The following MAGI2 variants were observed in gnomAD, a reference collection of about 807,000 sequenced individuals.
The protein encoded by MAGI2 is membrane associated guanylate kinase, WW and PDZ domain containing 2.
MAGI2 carries 35 observed loss-of-function variants against 133.3 expected under a neutral mutation model. The observed-to-expected ratio is 0.26, with a 90% CI of 0.20 to 0.35. MAGI2 has a LOEUF of 0.35. MAGI2 is among the 10% of genes least tolerant of loss of function. The pLI, the probability that MAGI2 is intolerant of heterozygous loss-of-function variation, is 1.00. For missense variants in MAGI2, 1,636 were observed against 1,863.4 expected (o/e 0.88, Z 2.25); for synonymous variants, 729 against 710.6 (o/e 1.03, Z -0.41).
chr7:78,340,170 T>C (rs1160763694), intron 9 of MAGI2, among the ~76,000 whole-genome samples: 1 of 152,200 alleles, frequency 6.6e-6, no homozygotes, highest in Admixed American at 6.5e-5. Flanking sequence ...AAAGTTGATA[T>C]CATGAACTAA....
chr7:78,387,500 A>G (rs1795495976), intron 6 of MAGI2, among the ~76,000 whole-genome samples: 1 of 152,166 alleles, frequency 6.6e-6, no homozygotes, highest in Non-Finnish European at 1.5e-5. Flanking sequence ...AAAATTGACA[A>G]AGTATTTGTA....
intron 1 of MAGI2, among the ~76,000 whole-genome samples, chr7:79,205,135 C>A (rs1472885202): frequency 6.6e-6 from 1 of 151,754 alleles, no homozygotes; most frequent in Non-Finnish European, 1.5e-5. Flanking sequence ...GGTCAAAATT[C>A]TCACATAATG....
At chr7:78,914,421 AAAGTC>A (rs2151621912) in intron 2 of MAGI2, among the ~76,000 whole-genome samples, 1 of 152,286 alleles carries the variant, frequency 6.6e-6, no homozygotes. Flanking sequence ...AATTATTAGT[AAAGTC>A]AACAAAATAC....
chr7:78,441,563 T>G (rs1305806376), intron 6 of MAGI2, among the ~76,000 whole-genome samples: 1 of 152,058 alleles, frequency 6.6e-6, no homozygotes, highest in Non-Finnish European at 1.5e-5. Context: ...GTGATTAGTT[T>G]ACAGCTCCAC....
chr7:78,310,616 G>C (rs896800140), intron 9 of MAGI2, among the ~76,000 whole-genome samples: 1 of 152,126 alleles, frequency 6.6e-6, no homozygotes, highest in African/African-American at 2.4e-5. Flanking sequence ...TAAAGATGCT[G>C]GGAGTAGGGA....
rs1276924567 is a variant in MAGI2 at position 78,162,043 on chromosome 7, T to A, written c.2597-1770A>T. On this transcript the variant is annotated intron_variant, in intron 15 of 21. Coordinates refer to ENST00000354212, the MANE Select transcript of MAGI2 (RefSeq NM_012301.4). ...TGTCCTTTATCAGTCCTTGTACAAG[T>A]GGGAAATAAAGTGATTAGGGATAGT... is the stretch of plus-strand genomic sequence containing the variant. 3.9e-5 allele frequency among the ~76,000 whole-genome samples: 6 copies of A among 152,068 alleles called. No individual in the cohort carries two copies. In the East Asian group the frequency reaches 1.2e-3, roughly 29 times the overall value.
intron 9 of MAGI2, among the ~76,000 whole-genome samples, chr7:78,325,778 G>C (rs375860028): frequency 6.6e-6 from 1 of 152,320 alleles, no homozygotes; most frequent in South Asian, 2.1e-4. Flanking sequence ...CAGGGCAAGG[G>C]AGCCCATTGG....
chr7:78,197,649 G>A (rs560106007), intron 11 of MAGI2, among the ~76,000 whole-genome samples: 1 of 152,356 alleles, frequency 6.6e-6, no homozygotes, highest in East Asian at 1.9e-4. Flanking sequence ...TTAGTCAAGA[G>A]TCCAGTTCAT....
intron 10 of MAGI2, among the ~76,000 whole-genome samples, chr7:78,221,405 G>A (rs762848372): frequency 6.6e-6 from 1 of 152,096 alleles, no homozygotes; most frequent in Admixed American, 6.5e-5. Flanking sequence ...AATTAACTTA[G>A]GTTGTGAGAT....
At position 78,178,573 on chromosome 7, in the gene MAGI2, A is replaced by T. The variant is rs1390520874; in HGVS notation, c.2312-471T>A. Reference sequence around the variant, plus strand: ...TATCTGTTTATGACATGATGCATCCAGTTTAGGAGTGTGTGTGTGTGTGTG... The same window carrying T: ...TATCTGTTTATGACATGATGCATCCTGTTTAGGAGTGTGTGTGTGTGTGTG... On this transcript the variant is annotated intron_variant, in intron 13 of 21. Coordinates refer to ENST00000354212, the MANE Select transcript of MAGI2 (RefSeq NM_012301.4). Among the ~76,000 whole-genome samples, 4 of 125,608 alleles carry T rather than the reference A, an allele frequency of 3.2e-5. No homozygotes were observed. In the East Asian group the frequency reaches 9.6e-4, roughly 30 times the overall value. The allele number at this position is 125,608 out of a possible 152,430, so 82.4% of individuals were successfully genotyped here.
At chr7:78,677,067 C>T (rs1484207477) in intron 2 of MAGI2, among the ~76,000 whole-genome samples, 1 of 152,148 alleles carries the variant, frequency 6.6e-6, no homozygotes, top group African/African-American at 2.4e-5. Context: ...ATTACTCTTT[C>T]CTTTCTTTTC....
At chr7:78,649,236 G>GAAAGA (rs796996533) in intron 2 of MAGI2, among the ~76,000 whole-genome samples, 17 of 88,166 alleles carry the variant, frequency 1.9e-4, no homozygotes, top group South Asian at 4.2e-4. Flanking sequence ...AAAAAAAAAA[G>GAAAGA]AAAAAAAAAG....
At chr7:78,066,385 C>T (rs1813823977) in intron 21 of MAGI2, among the ~76,000 whole-genome samples, 1 of 151,892 alleles carries the variant, frequency 6.6e-6, no homozygotes, top group Admixed American at 6.6e-5. Context: ...TCACTTGAAC[C>T]CGGGAGGCAG....
At chr7:78,281,232 T>A (rs2151012110) in intron 9 of MAGI2, among the ~76,000 whole-genome samples, 1 of 152,268 alleles carries the variant, frequency 6.6e-6, no homozygotes, top group African/African-American at 2.4e-5. Context: ...TTGATATTTT[T>A]AAAAACTTTA....
At chr7:78,185,841 T>A (rs1827640968) in intron 12 of MAGI2, among the ~76,000 whole-genome samples, 171 bp from the exon 13 acceptor site, 1 of 152,192 alleles carries the variant, frequency 6.6e-6, no homozygotes, top group South Asian at 2.1e-4. Flanking sequence ...TACCCTGCTT[T>A]ACGTATGAGC....
chr7:78,637,996 C>A (rs923266816), intron 2 of MAGI2, among the ~76,000 whole-genome samples: 6 of 151,534 alleles, frequency 4.0e-5, no homozygotes, highest in African/African-American at 1.5e-4. Context: ...CCCAAGAGGT[C>A]AAGGCTGCAG....
At chr7:78,183,544 A>T (rs183077290) in intron 13 of MAGI2, among the ~76,000 whole-genome samples, 380 of 151,962 alleles carry the variant, frequency 2.5e-3, no homozygotes, top group African/African-American at 8.5e-3. Context: ...GATTGCAGGC[A>T]TGCACCACCG....
chr7:78,916,472 A>T (rs1245141821), intron 2 of MAGI2, among the ~76,000 whole-genome samples: 1 of 152,178 alleles, frequency 6.6e-6, no homozygotes, highest in Non-Finnish European at 1.5e-5. Flanking sequence ...ACTGCATGGG[A>T]TATAAAAATA....
intron 6 of MAGI2, among the ~76,000 whole-genome samples, chr7:78,470,754 A>G (rs1187792405): frequency 2.0e-5 from 3 of 152,178 alleles, no homozygotes; most frequent in African/African-American, 7.2e-5. Context: ...TTATGTGAGC[A>G]AATTTTGAAA....
Sources: gnomAD v4.1 joint callset for allele counts (sites outside exome capture counted in the v4.1 genomes callset) on GRCh38, gnomAD v4.1.1 for gene constraint, MANE v1.5 for transcripts, NCBI Gene and HGNC (gene_info 2026-07-23, HGNC 2026-07-21) for gene names.